The following PCDH9 variants were observed in gnomAD, a reference collection of about 807,000 sequenced individuals.
PCDH9 encodes the protein protocadherin-9.
PCDH9 carries 24 observed loss-of-function variants against 70.6 expected under a neutral mutation model. The ratio of observed to expected loss-of-function variants is 0.34; its 90% CI spans 0.25 to 0.48. The LOEUF is 0.48. PCDH9 is among the 20% of genes least tolerant of loss of function. The pLI, the probability that PCDH9 is intolerant of heterozygous loss-of-function variation, is 0.99. For missense variants in PCDH9, 1,281 were observed against 1,503.6 expected, an observed-to-expected ratio of 0.85 and a Z score of 2.45; for synonymous variants, 562 against 558.5, an observed-to-expected ratio of 1.01 and a Z score of -0.09.
At chr13:66,932,681 T>TATACAC (rs1313632174) in intron 2 of PCDH9, among the ~76,000 whole-genome samples, 54 of 114,838 alleles carry the variant, frequency 4.7e-4, no homozygotes, top group African/African-American at 1.8e-3. Flanking sequence ...TATATATATA[T>TATACAC]ACACACACAC....
chr13:67,058,484 G>A (rs1343539670), intron 2 of PCDH9, among the ~76,000 whole-genome samples: 4 of 151,986 alleles, frequency 2.6e-5, no homozygotes, highest in African/African-American at 9.7e-5. Context: ...CATTGCCCTC[G>A]TCAGGGCCAT....
chr13:66,753,475 A>G (rs1251046266), intron 3 of PCDH9, among the ~76,000 whole-genome samples: 2 of 152,222 alleles, frequency 1.3e-5, no homozygotes, highest in Non-Finnish European at 2.9e-5. Context: ...CACAATTTTT[A>G]TATGTTAATG....
At chr13:66,610,664 G>A (rs1382955119) in intron 4 of PCDH9, among the ~76,000 whole-genome samples, 1 of 152,168 alleles carries the variant, frequency 6.6e-6, no homozygotes, top group Non-Finnish European at 1.5e-5. Context: ...GATTACTGAA[G>A]AGTTACTGTT....
chr13:66,657,953 A>G (rs1322081134), intron 3 of PCDH9, among the ~76,000 whole-genome samples: 2 of 152,208 alleles, frequency 1.3e-5, no homozygotes, highest in East Asian at 3.8e-4. Context: ...AATGCTTCTT[A>G]AAAAATGGCA....
intron 2 of PCDH9, among the ~76,000 whole-genome samples, chr13:67,015,549 T>G (rs1317276786): frequency 6.6e-6 from 1 of 152,124 alleles, no homozygotes; most frequent in African/African-American, 2.4e-5. Flanking sequence ...AGACTTACCC[T>G]TCTTTGTTGC....
chr13:66,558,650 G>A (rs1961854584), intron 4 of PCDH9, among the ~76,000 whole-genome samples: 1 of 151,660 alleles, frequency 6.6e-6, no homozygotes, highest in Admixed American at 6.6e-5. Flanking sequence ...AGTTCCTCTG[G>A]AGCAACTGCC....
chr13:66,526,166 A>G (rs1960209071), intron 4 of PCDH9, among the ~76,000 whole-genome samples: 1 of 152,112 alleles, frequency 6.6e-6, no homozygotes, highest in African/African-American at 2.4e-5. Context: ...GAAGGGGAGA[A>G]TGCTTCTACA....
At chr13:66,912,267 T>C (rs1025884002) in intron 2 of PCDH9, among the ~76,000 whole-genome samples, 1 of 152,262 alleles carries the variant, frequency 6.6e-6, no homozygotes, top group East Asian at 1.9e-4. Flanking sequence ...CTCCAGATAA[T>C]TGGTGTTTCA....
At position 66,968,217 on chromosome 13, in the gene PCDH9, T is replaced by C. The variant is rs189007012; in HGVS notation, c.3037-64612A>G. Among the ~76,000 whole-genome samples, 23 of 152,226 alleles carry C rather than the reference T, an allele frequency of 1.5e-4. No homozygotes were observed. In the East Asian group the frequency reaches 3.9e-3, roughly 26 times the overall value. ...ACTTTCCCAACCAACTATCCTTACA[T>C]GGCTTTATTTCCAGATGCTTCTTTG... On this transcript the variant is annotated intron_variant, in intron 2 of 4. Coordinates refer to ENST00000377865, the MANE Select transcript of PCDH9 (RefSeq NM_203487.3).
chr13:66,563,012 C>T (rs1315206531), intron 4 of PCDH9, among the ~76,000 whole-genome samples: 1 of 151,842 alleles, frequency 6.6e-6, no homozygotes, highest in Non-Finnish European at 1.5e-5. Context: ...CCTTTAAAAG[C>T]TTTATTTCCT....
In PCDH9 at chr13:66,855,761, G is replaced by A. The variant is rs191389776; in HGVS notation, c.3138+47743C>T. On this transcript the variant is annotated intron_variant, in intron 3 of 4. Coordinates refer to ENST00000377865, the MANE Select transcript of PCDH9 (RefSeq NM_203487.3). ...AGTCAAACCCTTGGATAATGTACTG[G>A]TTTACTGTCTTTTCTGTTCTTTTCA... Among the ~76,000 whole-genome samples, 619 of 152,018 alleles carry A rather than the reference G, an allele frequency of 4.1e-3. 2 individuals are homozygous for A. Among genetic ancestry groups the A allele is most frequent in the Non-Finnish European group, 5.9e-3 (398 of 67,886 alleles).
chr13:66,545,451 C>T (rs1961142724), intron 4 of PCDH9, among the ~76,000 whole-genome samples: 2 of 152,110 alleles, frequency 1.3e-5, no homozygotes, highest in Non-Finnish European at 2.9e-5. Flanking sequence ...ATTTTGCTTC[C>T]ATATCTGATA....
intron 4 of PCDH9, among the ~76,000 whole-genome samples, chr13:66,418,134 T>A (rs1483702293): frequency 6.6e-6 from 1 of 152,174 alleles, no homozygotes; most frequent in African/African-American, 2.4e-5. Flanking sequence ...GTTTTTATGG[T>A]TTTAGGCCTC....
intron 4 of PCDH9, among the ~76,000 whole-genome samples, chr13:66,309,250 A>G (rs1955522436): frequency 6.6e-6 from 1 of 152,084 alleles, no homozygotes; most frequent in Non-Finnish European, 1.5e-5. Flanking sequence ...GAAAATAACA[A>G]TGCTTCCATG....
chr13:66,906,402 C>T (rs922051280), intron 2 of PCDH9, among the ~76,000 whole-genome samples: 3 of 152,168 alleles, frequency 2.0e-5, no homozygotes, highest in Non-Finnish European at 4.4e-5. Context: ...AATAGCACAA[C>T]ATATAGTGAG....
intron 2 of PCDH9, among the ~76,000 whole-genome samples, chr13:66,935,995 G>C (rs1407513574): frequency 6.6e-6 from 1 of 152,162 alleles, no homozygotes; most frequent in Non-Finnish European, 1.5e-5. Context: ...TGAGGCAGGA[G>C]GATCGTTGGA....
intron 3 of PCDH9, among the ~76,000 whole-genome samples, chr13:66,632,596 A>T (rs887057621): frequency 6.6e-6 from 1 of 152,180 alleles, no homozygotes; most frequent in African/African-American, 2.4e-5. Flanking sequence ...AAGTTTTCTC[A>T]TAAAAAATAA....
intron 2 of PCDH9, among the ~76,000 whole-genome samples, chr13:67,163,963 T>C (rs528688156): frequency 2.2e-4 from 33 of 152,324 alleles, no homozygotes; most frequent in Non-Finnish European, 4.0e-4. Flanking sequence ...AGGGAATACA[T>C]GGCATGAGTT....
intron 4 of PCDH9, among the ~76,000 whole-genome samples, chr13:66,541,943 A>G (rs983506373): frequency 6.6e-6 from 1 of 152,136 alleles, no homozygotes; most frequent in Non-Finnish European, 1.5e-5. Flanking sequence ...GTAATTGGTG[A>G]GTAGTTTTCC....
Sources: allele counts gnomAD v4.1 joint callset (sites outside exome capture counted in the v4.1 genomes callset), GRCh38; gene constraint gnomAD v4.1.1; transcripts MANE v1.5; gene names NCBI Gene and HGNC (gene_info 2026-07-23, HGNC 2026-07-21).